Variants in PRKAG2 observed in about 807,000 individuals in gnomAD.
PRKAG2 encodes 5'-AMP-activated protein kinase subunit gamma-2.
Under a neutral mutation model 69.6 loss-of-function variants are expected in PRKAG2, and 26 were observed. The ratio of observed to expected loss-of-function variants is 0.37; its 90% CI spans 0.27 to 0.52. The LOEUF (loss-of-function observed/expected upper bound fraction) is 0.52, where lower values mean the gene tolerates loss of function less well. Among genes scored for constraint, PRKAG2 ranks in the 20% least tolerant of loss-of-function variants. PRKAG2 has a pLI of 0.90. For synonymous variants in PRKAG2, 293 were observed against 285.0 expected, an observed-to-expected ratio of 1.03 and a Z score of -0.28; for missense variants, 557 against 740.0, an observed-to-expected ratio of 0.75 and a Z score of 2.87.
intron 1 of PRKAG2, among the ~76,000 whole-genome samples, chr7:151,802,573 TC>T (rs1270825923): frequency 6.6e-6 from 1 of 152,212 alleles, no homozygotes; most frequent in Non-Finnish European, 1.5e-5. Context: ...TGCCCTATTT[TC>T]ATGGCTTAAA....
At chr7:151,844,243 G>A (rs2079377346) in intron 1 of PRKAG2, among the ~76,000 whole-genome samples, 1 of 152,052 alleles carries the variant, frequency 6.6e-6, no homozygotes, top group Admixed American at 6.6e-5. Flanking sequence ...AGGCAGGCCA[G>A]TGCTCCCTCT....
intron 1 of PRKAG2, among the ~76,000 whole-genome samples, chr7:151,868,808 G>A (rs1563768101): frequency 3.9e-5 from 6 of 152,216 alleles, no homozygotes; most frequent in Admixed American, 1.3e-4. Flanking sequence ...CTGGCCATGA[G>A]CTGAATACAC....
In PRKAG2 at chr7:151,572,989, T is replaced by G. The variant is rs113540490; in HGVS notation, c.1006-280A>C. Among the ~76,000 whole-genome samples the G allele has an allele frequency of 4.6e-3, 701 of 152,126 alleles. 11 individuals carry two copies. The highest frequency in any genetic ancestry group is 0.016 in the African/African-American group (662 of 41,494). Reference sequence around the variant, plus strand: ...TTAGCCAGGCATATTGGTGGGTGCCTGTAGTCCCAGCTACTCAGGAGGCTG... The same window carrying G: ...TTAGCCAGGCATATTGGTGGGTGCCGGTAGTCCCAGCTACTCAGGAGGCTG... On this transcript the variant is annotated intron_variant, in intron 8 of 15. Coordinates refer to ENST00000287878, the MANE Select transcript of PRKAG2 (RefSeq NM_016203.4).
chr7:151,705,597 T>TA (rs1838455870), intron 3 of PRKAG2, among the ~76,000 whole-genome samples: 1 of 152,064 alleles, frequency 6.6e-6, no homozygotes, highest in Admixed American at 6.5e-5. Flanking sequence ...ACGTGAGAGG[T>TA]AAGCACAGTT....
chr7:151,590,150 T>C (rs1812702201), intron 6 of PRKAG2, among the ~76,000 whole-genome samples: 1 of 152,156 alleles, frequency 6.6e-6, no homozygotes, highest in Admixed American at 6.5e-5. Flanking sequence ...AGGGCCCACA[T>C]GGCCACTGCA....
rs79254584 is a variant in PRKAG2 at position 151,695,679 on chromosome 7, A to C, written c.467-20042T>G. 4.9e-3 allele frequency among the ~76,000 whole-genome samples: 742 copies of C among 152,324 alleles called. 7 individuals are homozygous for C. The highest frequency in any genetic ancestry group is 0.016 in the African/African-American group (686 of 41,578). On this transcript the variant is annotated intron_variant, in intron 3 of 15. Coordinates refer to ENST00000287878, the MANE Select transcript of PRKAG2 (RefSeq NM_016203.4). ...CAGTTCAGCCATCAGTGAAATGGACAAATCAAATAGGAACTCTTGAATGGG... is the reference window on the plus strand; with the variant it reads ...CAGTTCAGCCATCAGTGAAATGGACCAATCAAATAGGAACTCTTGAATGGG...
chr7:151,662,249 T>A (rs1012366855), intron 4 of PRKAG2, among the ~76,000 whole-genome samples: 2 of 152,196 alleles, frequency 1.3e-5, no homozygotes, highest in Non-Finnish European at 2.9e-5. Flanking sequence ...ACATCAGACT[T>A]CTAAATCCAC....
intron 6 of PRKAG2, among the ~76,000 whole-genome samples, chr7:151,580,665 C>A (rs964733613): frequency 6.6e-6 from 1 of 152,104 alleles, no homozygotes; most frequent in African/African-American, 2.4e-5. Flanking sequence ...TGTAAGACAG[C>A]CTCTGAAAGA....
chr7:151,712,268 G>A (rs1379191148), intron 3 of PRKAG2, among the ~76,000 whole-genome samples: 1 of 152,204 alleles, frequency 6.6e-6, no homozygotes. Context: ...ACTCACCCGG[G>A]AAGGACGCTC....
At chr7:151,797,051 C>T (rs929699932) in intron 1 of PRKAG2, among the ~76,000 whole-genome samples, 4 of 152,172 alleles carry the variant, frequency 2.6e-5, no homozygotes, top group African/African-American at 9.7e-5. Context: ...CGAGGCCCCA[C>T]ACCCGGCCCG....
At chr7:151,789,997 T>A (rs1474059474) in intron 1 of PRKAG2, among the ~76,000 whole-genome samples, 2 of 152,180 alleles carry the variant, frequency 1.3e-5, no homozygotes, top group East Asian at 3.8e-4. Flanking sequence ...CAGCTATGCA[T>A]CCATGGACAT....
chr7:151,590,046 G>A (rs1812673852), intron 6 of PRKAG2, among the ~76,000 whole-genome samples: 1 of 152,208 alleles, frequency 6.6e-6, no homozygotes, highest in South Asian at 2.1e-4. Context: ...TGAGCTCTTT[G>A]TCAGTGGGAA....
Position 151,633,925 on chromosome 7 carries a change from AT to A in PRKAG2, c.685-1788del, listed in dbSNP as rs1354171953. Among the ~76,000 whole-genome samples the A allele has an allele frequency of 2.0e-5, 3 of 152,216 alleles. No individual in the cohort carries two copies. The East Asian group carries it at 5.8e-4, about 29-fold the overall frequency. ...GGAAAGGTGCAAGCTCTAGAATTCT[AT>A]TTATTTATTTATTATTTTTTTGAGA... On this transcript the variant is annotated intron_variant, in intron 4 of 15. Coordinates refer to ENST00000287878, the MANE Select transcript of PRKAG2 (RefSeq NM_016203.4).
chr7:151,658,063 C>T (rs1829722359), intron 4 of PRKAG2, among the ~76,000 whole-genome samples: 1 of 151,746 alleles, frequency 6.6e-6, no homozygotes, highest in Admixed American at 6.6e-5. Flanking sequence ...GAGGCTGAGG[C>T]AGGAGAATGG....
chr7:151,799,156 G>C (rs1479057328), intron 1 of PRKAG2, among the ~76,000 whole-genome samples: 1 of 152,166 alleles, frequency 6.6e-6, no homozygotes, highest in Non-Finnish European at 1.5e-5. Flanking sequence ...GGATGGAAAT[G>C]GCCTCAGAAA....
intron 1 of PRKAG2, among the ~76,000 whole-genome samples, chr7:151,800,732 G>C (rs1452225029): frequency 1.3e-5 from 2 of 152,210 alleles, no homozygotes; most frequent in Non-Finnish European, 2.9e-5. Context: ...CGCTCTGCAT[G>C]AGAGTGTAAT....
At chr7:151,577,849 A>G (rs1366646430) in intron 6 of PRKAG2, among the ~76,000 whole-genome samples, 2 of 152,144 alleles carry the variant, frequency 1.3e-5, no homozygotes, top group African/African-American at 2.4e-5. Context: ...GTAACTGTAA[A>G]ATTATACATT....
chr7:151,705,181 G>A (rs1028551342), intron 3 of PRKAG2, among the ~76,000 whole-genome samples: 3 of 152,160 alleles, frequency 2.0e-5, no homozygotes, highest in Admixed American at 6.5e-5. Flanking sequence ...TGTCTGAAAC[G>A]TACAGGATAA....
intron 3 of PRKAG2, among the ~76,000 whole-genome samples, chr7:151,713,837 A>G (rs538005641): frequency 6.6e-6 from 1 of 152,222 alleles, no homozygotes; most frequent in South Asian, 2.1e-4. Flanking sequence ...CGGCCTCCCA[A>G]AGTGCCAGGA....
Sources: gnomAD v4.1 joint callset for allele counts (sites outside exome capture counted in the v4.1 genomes callset) on GRCh38, gnomAD v4.1.1 for gene constraint, MANE v1.5 for transcripts, NCBI Gene and HGNC (gene_info 2026-07-23, HGNC 2026-07-21) for gene names.